Variants in DNAL1 observed in about 807,000 individuals in gnomAD.
DNAL1 encodes chromosome 14 open reading frame 168.
In DNAL1, 17 loss-of-function variants were observed where a neutral mutation model predicts 29.4. That is an observed-to-expected ratio of 0.58 (90% CI 0.40 to 0.87). The LOEUF (loss-of-function observed/expected upper bound fraction) is 0.87. Ranked by LOEUF, DNAL1 falls within the 40% of genes least tolerant of loss-of-function variation. DNAL1 has a pLI of 0.00. For missense variants in DNAL1, 188 were observed against 214.1 expected, an observed-to-expected ratio of 0.88 and a Z score of 0.76; for synonymous variants, 78 against 76.3, an observed-to-expected ratio of 1.02 and a Z score of -0.12.
At chr14:73,667,190 G>A (rs898363288) in intron 4 of DNAL1, among the ~76,000 whole-genome samples, 3 of 150,504 alleles carry the variant, frequency 2.0e-5, no homozygotes, top group East Asian at 1.9e-4. Flanking sequence ...GGCTGGGGAC[G>A]GTGGCTCACA....
chr14:73,689,732 G>C (rs1892119458), intron 7 of DNAL1, among the ~76,000 whole-genome samples: 1 of 152,146 alleles, frequency 6.6e-6, no homozygotes, highest in African/African-American at 2.4e-5. Flanking sequence ...TAGACCAAAA[G>C]CTTATAAGAA....
chr14:73,655,426 C>T (rs1231111286), intron 2 of DNAL1, among the ~76,000 whole-genome samples: 2 of 150,754 alleles, frequency 1.3e-5, no homozygotes, highest in African/African-American at 4.9e-5. Context: ...CTCACTGCAA[C>T]CTCCGCCTCC....
At position 73,701,838 on chromosome 14, in the gene DNAL1, T is replaced by A. The variant is rs1375966882; in HGVS notation, c.*5896T>A. On this transcript the variant is annotated 3_prime_UTR_variant, in exon 8 of 8. Transcript: ENST00000553645. The stretch of plus-strand genomic sequence containing the variant: ...TTTTATACACAGGAGTTTTGTAGCA[T>A]GACTTTATGACTAAACTTATTGTGA... The A allele has an allele frequency of 1.3e-5, 2 of 152,180 alleles. No homozygotes were observed. The highest frequency in any genetic ancestry group is 1.5e-5 in the Non-Finnish European group (1 of 68,034). The allele number at this position is 152,180 out of a possible 1,614,324, so 9.4% of individuals were successfully genotyped here.
chr14:73,687,223 A>C (rs1369020156), intron 5 of DNAL1, 36 bp from the exon 6 acceptor site: 1 of 1,607,032 alleles, frequency 6.2e-7, no homozygotes, highest in East Asian at 2.2e-5. Flanking sequence ...AGAAAAGCTT[A>C]AACATAAACA....
In DNAL1 at chr14:73,702,105, G is replaced by GTGTA. The variant is rs1892451662; in HGVS notation, c.*6163_*6164insTGTA. 7.5e-6 allele frequency: 1 copy of GTGTA among 132,644 alleles called. No homozygotes were observed. The highest frequency in any genetic ancestry group is 2.3e-4 in the South Asian group (1 of 4,328). The allele number at this position is 132,644 out of a possible 1,614,324, so 8.2% of individuals were successfully genotyped here. Reference sequence around the variant, plus strand: ...TGTGTGTGTGTGTGTGTGTGTGTGTGCACGTGCATGAGAGAGAGTGAAAGA... The same window carrying GTGTA: ...TGTGTGTGTGTGTGTGTGTGTGTGTGTGTACACGTGCATGAGAGAGAGTGAAAGA... On this transcript the variant is annotated 3_prime_UTR_variant, in exon 8 of 8. Coordinates refer to ENST00000553645, the MANE Select transcript of DNAL1 (RefSeq NM_031427.4).
At position 73,699,718 on chromosome 14, in the gene DNAL1, T is replaced by C. The variant is rs904286162; in HGVS notation, c.*3776T>C. On this transcript the variant is annotated 3_prime_UTR_variant, in exon 8 of 8. Transcript: ENST00000553645. ...TATTTCTAAGCATTCTTGCTTATCT[T>C]AGGACAGTGATTATTAACCTACCTC... The C allele has an allele frequency of 4.6e-5, 7 of 152,198 alleles. No homozygotes were observed. The highest frequency in any genetic ancestry group is 8.8e-5 in the Non-Finnish European group (6 of 68,040). 9.4% of individuals were successfully genotyped at this position (152,198 alleles called of 1,614,324 possible). A position where few individuals can be genotyped will look rare whatever the true frequency, so the allele number is the denominator to read the frequency against.
At chr14:73,659,955 A>G (rs1047123230) in intron 3 of DNAL1, among the ~76,000 whole-genome samples, 2 of 152,048 alleles carry the variant, frequency 1.3e-5, no homozygotes, top group African/African-American at 4.8e-5. Flanking sequence ...TTTTTTGAGA[A>G]ACTCTTTGTC....
chr14:73,672,442 A>T (rs954495401), intron 5 of DNAL1, among the ~76,000 whole-genome samples: 2 of 151,508 alleles, frequency 1.3e-5, no homozygotes, highest in South Asian at 2.1e-4. Flanking sequence ...TATCTCTATT[A>T]AAAAAATACA....
chr14:73,666,238 CA>C (rs1891474578), intron 4 of DNAL1, among the ~76,000 whole-genome samples: 1 of 152,102 alleles, frequency 6.6e-6, no homozygotes, highest in Non-Finnish European at 1.5e-5. Context: ...TCCTATTTAA[CA>C]GGTGATTTAT....
intron 1 of DNAL1, among the ~76,000 whole-genome samples, chr14:73,648,919 A>G (rs1891047241): frequency 6.7e-6 from 1 of 150,374 alleles, no homozygotes; most frequent in African/African-American, 2.4e-5. Flanking sequence ...TATTATAAAT[A>G]ATAATTATTA....
chr14:73,696,128 C>T lies in DNAL1; in HGVS notation c.*186C>T. ...TGTTTCTCCCCAAAACTGGTAATGC[C>T]AACCTTATATATCCTATTTCTCTTT... On this transcript the variant is annotated 3_prime_UTR_variant, in exon 8 of 8. Coordinates refer to ENST00000553645, the MANE Select transcript of DNAL1 (RefSeq NM_031427.4). 1 of 581,308 alleles carries T rather than the reference C, an allele frequency of 1.7e-6. No homozygotes were observed. Among genetic ancestry groups the T allele is most frequent in the Non-Finnish European group, 2.9e-6 (1 of 345,480 alleles). The allele number at this position is 581,308 out of a possible 1,614,324, so 36.0% of individuals were successfully genotyped here.
Position 73,699,730 on chromosome 14 carries a change from T to C in DNAL1, c.*3788T>C, listed in dbSNP as rs1892387157. The C allele has an allele frequency of 1.3e-5, 2 of 152,166 alleles. No homozygotes were observed. 9.4% of individuals were successfully genotyped at this position (152,166 alleles called of 1,614,324 possible). On this transcript the variant is annotated 3_prime_UTR_variant, in exon 8 of 8. Transcript: ENST00000553645. The stretch of plus-strand genomic sequence containing the variant: ...TTCTTGCTTATCTTAGGACAGTGAT[T>C]ATTAACCTACCTCTCTGTTTCTATC...
At chr14:73,652,116 G>T (rs1237852954) in intron 1 of DNAL1, among the ~76,000 whole-genome samples, 5 of 152,038 alleles carry the variant, frequency 3.3e-5, no homozygotes, top group African/African-American at 7.2e-5. Flanking sequence ...GGCTCATGCA[G>T]CCCTGACCTC....
In DNAL1 at chr14:73,658,911, CT is replaced by C; in HGVS notation, c.108del (p.Ile37Ter). On this transcript the variant is annotated frameshift_variant, in exon 3 of 8. Coordinates refer to ENST00000553645, the MANE Select transcript of DNAL1 (RefSeq NM_031427.4). LOFTEE classifies it high-confidence loss of function. ...ATAAAACTTTATGCCCAGATTCCCC[CT>C]ATAGAGAAGATGGATGCATCCTTGT... ...KEIKLYAQIP[P>X]IEKMDASLSM... 6.3e-7 allele frequency: 1 copy of C among 1,581,308 alleles called. No homozygotes were observed. The highest frequency in any genetic ancestry group is 1.2e-5 in the South Asian group (1 of 84,196).
intron 3 of DNAL1, among the ~76,000 whole-genome samples, chr14:73,659,362 C>G (rs1183714598): frequency 6.6e-6 from 1 of 151,568 alleles, no homozygotes; most frequent in African/African-American, 2.4e-5. Flanking sequence ...TAGGGTTTCA[C>G]CATGTTAGCC....
intron 5 of DNAL1, among the ~76,000 whole-genome samples, chr14:73,686,035 G>C (rs1892012739): frequency 6.6e-6 from 1 of 152,214 alleles, no homozygotes; most frequent in African/African-American, 2.4e-5. Flanking sequence ...GTTTTCCATA[G>C]CAGCTGCACC....
In DNAL1 at chr14:73,648,403, C is replaced by CATATATATAT. The variant is rs149075024; in HGVS notation, c.3+3366_3+3375dup. ...CTCGATGTGTTATAACACCTCATTT[C>CATATATATAT]ATATATATATATATTTGTTGTTTGT... is the stretch of plus-strand genomic sequence containing the variant. On this transcript the variant is annotated intron_variant, in intron 1 of 7. Coordinates refer to ENST00000553645, the MANE Select transcript of DNAL1 (RefSeq NM_031427.4). Among the ~76,000 whole-genome samples, 335 of 86,742 alleles carry CATATATATAT rather than the reference C, an allele frequency of 3.9e-3. 51 individuals carry two copies. Among genetic ancestry groups the CATATATATAT allele is most frequent in the African/African-American group, 0.018 (283 of 16,020 alleles). 56.9% of individuals were successfully genotyped at this position (86,742 alleles called of 152,430 possible). A position where few individuals can be genotyped will look rare whatever the true frequency, so the allele number is the denominator to read the frequency against.
At chr14:73,692,763 C>G (rs999943964) in intron 7 of DNAL1, among the ~76,000 whole-genome samples, 1 of 152,024 alleles carries the variant, frequency 6.6e-6, no homozygotes, top group Non-Finnish European at 1.5e-5. Flanking sequence ...TGGGATAGAC[C>G]AGAACAGAGA....
intron 1 of DNAL1, among the ~76,000 whole-genome samples, chr14:73,650,032 G>A (rs537614634): frequency 4.6e-5 from 7 of 152,278 alleles, no homozygotes; most frequent in Non-Finnish European, 8.8e-5. Flanking sequence ...AGCCCAGGCT[G>A]GAGTATAGTA....
Sources: gnomAD v4.1 joint callset for allele counts (sites outside exome capture counted in the v4.1 genomes callset) on GRCh38, gnomAD v4.1.1 for gene constraint, MANE v1.5 for transcripts, NCBI Gene and HGNC (gene_info 2026-07-23, HGNC 2026-07-21) for gene names.